Variants in UQCRH observed in about 807,000 individuals in gnomAD.
The protein encoded by UQCRH is cytochrome b-c1 complex subunit 6, mitochondrial.
UQCRH carries 14 observed loss-of-function variants against 16.3 expected under a neutral mutation model. That is an observed-to-expected ratio of 0.86 (90% CI 0.57 to 1.34). The LOEUF (loss-of-function observed/expected upper bound fraction) is 1.34, where lower values mean the gene tolerates loss of function less well. Among genes scored for constraint, UQCRH ranks in the 40% most tolerant of loss-of-function variants. UQCRH has a pLI of 0.00. For synonymous variants in UQCRH, 41 were observed against 41.9 expected, an observed-to-expected ratio of 0.98 and a Z score of 0.08; for missense variants, 89 against 111.9, an observed-to-expected ratio of 0.80 and a Z score of 0.92.
chr1:46,307,339 C>T (rs1014192418), intron 1 of UQCRH, among the ~76,000 whole-genome samples: 2 of 152,130 alleles, frequency 1.3e-5, no homozygotes, highest in Admixed American at 6.6e-5. Context: ...ACCACTATGC[C>T]CAGCCTGTTT....
chr1:46,315,525 C>T (rs1178640246), intron 3 of UQCRH, among the ~76,000 whole-genome samples: 4 of 136,800 alleles, frequency 2.9e-5, no homozygotes, highest in African/African-American at 8.3e-5. Flanking sequence ...ACCCGGGAGG[C>T]GGAGGTTGCA....
chr1:46,312,860 C>G (rs887054493), intron 3 of UQCRH, among the ~76,000 whole-genome samples: 22 of 152,040 alleles, frequency 1.4e-4, no homozygotes, highest in Non-Finnish European at 2.8e-4. Flanking sequence ...AAAAGATGTT[C>G]AACATCATTA....
At chr1:46,304,256 T>G (rs1661317651) in intron 1 of UQCRH, among the ~76,000 whole-genome samples, 1 of 152,164 alleles carries the variant, frequency 6.6e-6, no homozygotes, top group South Asian at 2.1e-4. Flanking sequence ...GAGGAAGGTG[T>G]GTGTCTTTGG....
chr1:46,315,246 A>G (rs1259980744), intron 3 of UQCRH, among the ~76,000 whole-genome samples: 1 of 152,200 alleles, frequency 6.6e-6, no homozygotes, highest in Non-Finnish European at 1.5e-5. Context: ...GGAGTTCGAG[A>G]CCAGCCTGAC....
Position 46,309,097 on chromosome 1 carries a change from G to C in UQCRH, c.55-4G>C, listed in dbSNP as rs752232123. 2.2e-5 allele frequency: 35 copies of C among 1,613,438 alleles called. No homozygotes were observed. The South Asian group carries it at 3.7e-4, about 17-fold the overall frequency. On this transcript the variant is annotated splice_region_variant and splice_polypyrimidine_tract_variant and intron_variant, in intron 1 of 3. Coordinates refer to ENST00000311672, the MANE Select transcript of UQCRH (RefSeq NM_006004.4). Reference sequence around the variant, plus strand: ...CTGACATTAATTTTGTTTTCCTTTTGTAGGAGGAAGAGGAAGAGGAGGAAT... The same window carrying C: ...CTGACATTAATTTTGTTTTCCTTTTCTAGGAGGAAGAGGAAGAGGAGGAAT...
chr1:46,315,183 G>C (rs1661559576), intron 3 of UQCRH, among the ~76,000 whole-genome samples: 1 of 152,088 alleles, frequency 6.6e-6, no homozygotes, highest in African/African-American at 2.4e-5. Context: ...GGTGGCTCAC[G>C]CCTGTAATCC....
chr1:46,310,756 G>A (rs1189443345), intron 3 of UQCRH, among the ~76,000 whole-genome samples: 1 of 152,120 alleles, frequency 6.6e-6, no homozygotes, highest in Non-Finnish European at 1.5e-5. Context: ...ATAGGCATGA[G>A]CCATTGTGCC....
At chr1:46,314,110 G>T (rs1422145974) in intron 3 of UQCRH, among the ~76,000 whole-genome samples, 1 of 152,068 alleles carries the variant, frequency 6.6e-6, no homozygotes, top group Non-Finnish European at 1.5e-5. Context: ...GGTGGCTCAT[G>T]CCTGTAATCC....
intron 1 of UQCRH, among the ~76,000 whole-genome samples, chr1:46,307,937 GACAAAT>G (rs1173182712): frequency 6.6e-6 from 1 of 152,162 alleles, no homozygotes; most frequent in Non-Finnish European, 1.5e-5. Context: ...GCAATACTGG[GACAAAT>G]ACTTTAGATT....
chr1:46,310,372 G>A lies in UQCRH; in HGVS notation c.243+56G>A, dbSNP rs547123097. The A allele has an allele frequency of 1.1e-5, 17 of 1,607,972 alleles. 1 individual carries two copies. In the South Asian group the frequency reaches 1.9e-4, roughly 18 times the overall value. On this transcript the variant is annotated intron_variant, in intron 3 of 3. Transcript: ENST00000311672. ...GGTTGCAATGGTCAGGGAAGACTTG[G>A]TGCCAACAATCTTTCCATGCTAGGG...
Position 46,316,685 on chromosome 1 carries a change from G to C in UQCRH, c.*101G>C. On this transcript the variant is annotated 3_prime_UTR_variant, in exon 4 of 4. Coordinates refer to ENST00000311672, the MANE Select transcript of UQCRH (RefSeq NM_006004.4). The stretch of plus-strand genomic sequence containing the variant: ...TTGTTTCTTATTTGTGTAACTGTAA[G>C]TTCACATGAACCTCATGGGTTTGGC... 6.5e-7 allele frequency: 1 copy of C among 1,547,578 alleles called. No homozygotes were observed. Among genetic ancestry groups the C allele is most frequent in the Non-Finnish European group, 8.8e-7 (1 of 1,135,738 alleles).
chr1:46,307,582 G>A (rs1287936131), intron 1 of UQCRH, among the ~76,000 whole-genome samples: 1 of 152,162 alleles, frequency 6.6e-6, no homozygotes, highest in Non-Finnish European at 1.5e-5. Context: ...GGCCTAAACT[G>A]TTGCTCCCAT....
intron 3 of UQCRH, among the ~76,000 whole-genome samples, chr1:46,310,591 G>A (rs1319113090): frequency 6.6e-6 from 1 of 152,170 alleles, no homozygotes; most frequent in Non-Finnish European, 1.5e-5. Context: ...CTCCCAAGTA[G>A]CTGGGACTAC....
chr1:46,313,215 G>A (rs532369777), intron 3 of UQCRH, among the ~76,000 whole-genome samples: 1 of 152,282 alleles, frequency 6.6e-6, no homozygotes, highest in Admixed American at 6.5e-5. Flanking sequence ...AGCTAGGCTG[G>A]GCACTGTGGC....
chr1:46,303,899 C>G (rs1661309194), intron 1 of UQCRH, 79 bp downstream of exon 1: 15 of 1,586,268 alleles, frequency 9.5e-6, no homozygotes, highest in African/African-American at 1.3e-5. Flanking sequence ...GCACGGGGCC[C>G]TCTTAGCCCC....
chr1:46,303,844 C>G, intron 1 of UQCRH, 24 bp downstream of exon 1: 1 of 1,614,098 alleles, frequency 6.2e-7, no homozygotes, highest in Non-Finnish European at 8.5e-7. Context: ...ATCCACTCGG[C>G]CCTCTTCTCT....
chr1:46,309,393 T>C (rs953363014), intron 2 of UQCRH: 4 of 439,870 alleles, frequency 9.1e-6, no homozygotes, highest in Non-Finnish European at 1.6e-5. Context: ...CTATTTGTGG[T>C]TTAATAAAGA....
chr1:46,308,704 T>C (rs1661416136), intron 1 of UQCRH, among the ~76,000 whole-genome samples: 2 of 152,020 alleles, frequency 1.3e-5, no homozygotes, highest in Non-Finnish European at 2.9e-5. Context: ...TAGCCAGGCA[T>C]GTGGCGTGTG....
rs995134467 is a variant in UQCRH, at chr1:46,306,357, G to T, written c.54+2537G>T. On this transcript the variant is annotated intron_variant, in intron 1 of 3. Coordinates refer to ENST00000311672, the MANE Select transcript of UQCRH (RefSeq NM_006004.4). The stretch of plus-strand genomic sequence containing the variant: ...CTAACTCGGGCAGAATGTAATTTTA[G>T]TTTTTTTGGGAAAACTTTTTCAGTT... Among the ~76,000 whole-genome samples the T allele has an allele frequency of 5.6e-5, 8 of 144,004 alleles. No homozygotes were observed. The South Asian group carries it at 1.8e-3, about 32-fold the overall frequency. 94.5% of individuals were successfully genotyped at this position (144,004 alleles called of 152,430 possible).
Sources: gnomAD v4.1 joint callset for allele counts (sites outside exome capture counted in the v4.1 genomes callset) on GRCh38, gnomAD v4.1.1 for gene constraint, MANE v1.5 for transcripts, NCBI Gene and HGNC (gene_info 2026-07-23, HGNC 2026-07-21) for gene names.